Variants in MAF observed in about 807,000 individuals in gnomAD.
MAF encodes the protein MAF bZIP transcription factor, also known as transcription factor Maf.
MAF carries 10 observed loss-of-function variants against 22.0 expected under a neutral mutation model. The observed-to-expected ratio is 0.45, with a 90% confidence interval of 0.28 to 0.77. The LOEUF (loss-of-function observed/expected upper bound fraction) is 0.77. Among genes scored for constraint, MAF ranks in the 30% least tolerant of loss-of-function variants. MAF has a pLI of 0.12. For synonymous variants in MAF, 337 were observed against 255.8 expected, an observed-to-expected ratio of 1.32 and a Z score of -3.03; for missense variants, 544 against 548.4, an observed-to-expected ratio of 0.99 and a Z score of 0.08.
the MAF span, among the ~76,000 whole-genome samples, chr16:79,575,579 G>A: frequency 0.029 from 4,424 of 152,192 alleles, 130 homozygotes; most frequent in African/African-American, 0.078. Flanking sequence ...GCATGTTTAG[G>A]GTGGGACCCA....
At chr16:79,565,597 G>C in the MAF span, among the ~76,000 whole-genome samples, 1 of 152,086 alleles carries the variant, frequency 6.6e-6, no homozygotes, top group Non-Finnish European at 1.5e-5. Flanking sequence ...GAGATCTGAT[G>C]CTGTTATAAG....
the MAF span, among the ~76,000 whole-genome samples, chr16:79,373,316 T>G: frequency 5.4e-5 from 8 of 148,130 alleles, no homozygotes; most frequent in Non-Finnish European, 1.0e-4. Context: ...ATGAATTAAT[T>G]CATCTATGGG....
chr16:79,213,464 A>G, the MAF span, among the ~76,000 whole-genome samples: 1 of 149,396 alleles, frequency 6.7e-6, no homozygotes, highest in Non-Finnish European at 1.5e-5. Flanking sequence ...AGCCGTCAGA[A>G]CTCCACTCTC....
At chr16:79,569,708 T>C in the MAF span, among the ~76,000 whole-genome samples, 2 of 151,586 alleles carry the variant, frequency 1.3e-5, no homozygotes, top group South Asian at 2.1e-4. Flanking sequence ...AAATTATTGA[T>C]GCCTGGGTAC....
chr16:79,528,004 G>A, the MAF span, among the ~76,000 whole-genome samples: 4 of 152,238 alleles, frequency 2.6e-5, no homozygotes, highest in Middle Eastern at 3.4e-3. Flanking sequence ...TTAGCCGGGC[G>A]TGTTGGTGCG....
the MAF span, among the ~76,000 whole-genome samples, chr16:79,397,146 T>A: frequency 1.3e-5 from 2 of 152,380 alleles, no homozygotes; most frequent in African/African-American, 4.8e-5. Context: ...GCACACAGCA[T>A]AGATTAAATA....
the MAF span, among the ~76,000 whole-genome samples, chr16:79,544,593 T>G: frequency 6.6e-6 from 1 of 151,828 alleles, no homozygotes; most frequent in Non-Finnish European, 1.5e-5. Context: ...GATAACATGG[T>G]GAAACCCCGT....
chr16:79,546,849 G>C, the MAF span, among the ~76,000 whole-genome samples: 1 of 152,298 alleles, frequency 6.6e-6, no homozygotes, highest in African/African-American at 2.4e-5. Flanking sequence ...GGAAATTACA[G>C]TGGGAGGATG....
At chr16:79,267,061 C>T in the MAF span, among the ~76,000 whole-genome samples, 1 of 152,162 alleles carries the variant, frequency 6.6e-6, no homozygotes, top group Admixed American at 6.5e-5. Context: ...TGAATCCATC[C>T]TAAGTAATAA....
At chr16:79,551,987 A>C in the MAF span, among the ~76,000 whole-genome samples, 1 of 151,970 alleles carries the variant, frequency 6.6e-6, no homozygotes, top group African/African-American at 2.4e-5. Flanking sequence ...TTTTTTTTTA[A>C]TATATAGACA....
At chr16:79,557,195 G>A in the MAF span, among the ~76,000 whole-genome samples, 1 of 150,788 alleles carries the variant, frequency 6.6e-6, no homozygotes, top group East Asian at 1.9e-4. Context: ...CATTGCTAGT[G>A]CCAGCTACAT....
chr16:79,479,446 C>G, the MAF span, among the ~76,000 whole-genome samples: 13 of 152,338 alleles, frequency 8.5e-5, no homozygotes, highest in African/African-American at 3.1e-4. Flanking sequence ...TTAAGACCTG[C>G]CTTGGCACTC....
the MAF span, among the ~76,000 whole-genome samples, chr16:79,398,879 GGTTC>G: frequency 1.3e-5 from 2 of 152,158 alleles, no homozygotes; most frequent in African/African-American, 2.4e-5. Context: ...TTGCAGGCTT[GGTTC>G]AAGGAATACA....
Position 79,599,274 on chromosome 16 carries a change from G to C in MAF, c.629C>G (p.Ala210Gly). Reference sequence around the variant, plus strand: ...GCCGCCCGCGCCCCCAGCGCCACCGGCCGAGGCGGCCGCGCTGCCCGCGGC... The same window carrying C: ...GCCGCCCGCGCCCCCAGCGCCACCGCCCGAGGCGGCCGCGCTGCCCGCGGC... Reference protein sequence around the residue: ...PGAAGSAAASAGGAGGAGGGG... With the variant: ...PGAAGSAAASGGGAGGAGGGG... The change falls in exon 1 of 2, where the codon GCC (alanine) becomes GGC (glycine). Residue 210 changes from alanine to glycine, a missense_variant. Physicochemically the swap from Ala to Gly is moderately conservative, Grantham distance 60. Around this residue, in one of 5 missense-constraint regions of MAF, gnomAD observed 342 missense variants for 315.5 expected, o/e 1.08. Coordinates refer to ENST00000326043, the MANE Select transcript of MAF (RefSeq NM_005360.5). 1 of 978,720 alleles carries C rather than the reference G, an allele frequency of 1.0e-6. No individual in the cohort carries two copies. Among genetic ancestry groups the C allele is most frequent in the East Asian group, 1.2e-4 (1 of 8,542 alleles). The allele number at this position is 978,720 out of a possible 1,614,324, so 60.6% of individuals were successfully genotyped here. A position where few individuals can be genotyped will look rare whatever the true frequency, so the allele number is the denominator to read the frequency against.
the MAF span, among the ~76,000 whole-genome samples, chr16:79,402,291 G>C: frequency 1.3e-5 from 2 of 152,196 alleles, no homozygotes; most frequent in Non-Finnish European, 2.9e-5. Context: ...GGGTAAAAAA[G>C]GCTGTTACCC....
chr16:79,465,854 C>T, the MAF span, among the ~76,000 whole-genome samples: 67 of 152,268 alleles, frequency 4.4e-4, no homozygotes, highest in Admixed American at 3.8e-3. Context: ...CATATGTCAC[C>T]TCCCTTGGGA....
chr16:79,218,200 T>A, the MAF span, among the ~76,000 whole-genome samples: 1 of 152,024 alleles, frequency 6.6e-6, no homozygotes, highest in Non-Finnish European at 1.5e-5. Flanking sequence ...TTTCAAGGAT[T>A]CATGGTATTT....
At chr16:79,322,925 C>T in the MAF span, among the ~76,000 whole-genome samples, 1 of 151,652 alleles carries the variant, frequency 6.6e-6, no homozygotes, top group Non-Finnish European at 1.5e-5. Context: ...CCGAGGTGAA[C>T]AGATCATGAG....
the MAF span, among the ~76,000 whole-genome samples, chr16:79,461,131 G>C: frequency 1.3e-5 from 2 of 152,162 alleles, no homozygotes; most frequent in African/African-American, 4.8e-5. Context: ...AAAAATTAGA[G>C]CTTATGTGTG....
Sources: allele counts gnomAD v4.1 joint callset (sites outside exome capture counted in the v4.1 genomes callset), GRCh38; gene constraint gnomAD v4.1.1; regional missense constraint gnomAD v4.1.1; transcripts MANE v1.5; gene names NCBI Gene and HGNC (gene_info 2026-07-23, HGNC 2026-07-21).